The following LRP1B variants were observed in gnomAD, a reference collection of about 807,000 sequenced individuals.
LRP1B encodes the protein low-density lipoprotein receptor-related protein 1B.
LRP1B carries 217 observed loss-of-function variants against 556.6 expected under a neutral mutation model. The observed-to-expected ratio is 0.39, with a 90% CI of 0.35 to 0.44. The LOEUF (loss-of-function observed/expected upper bound fraction) is 0.44, where lower values mean the gene tolerates loss of function less well. Among genes scored for constraint, LRP1B ranks in the 20% least tolerant of loss-of-function variants. The pLI, the probability that LRP1B is intolerant of heterozygous loss-of-function variation, is 1.00. For missense variants in LRP1B, 5,053 were observed against 5,620.8 expected, an observed-to-expected ratio of 0.90 and a Z score of 3.23; for synonymous variants, 2,047 against 1,865.8, an observed-to-expected ratio of 1.10 and a Z score of -2.50.
At position 140,655,046 on chromosome 2, in the gene LRP1B, A is replaced by ATATATATC. The variant is rs1559034881; in HGVS notation, c.6799+45203_6799+45204insGATATATA. Among the ~76,000 whole-genome samples, 4 of 151,920 alleles carry ATATATATC rather than the reference A, an allele frequency of 2.6e-5. 1 individual carries two copies. Among genetic ancestry groups the ATATATATC allele is most frequent in the African/African-American group, 9.7e-5 (4 of 41,324 alleles). ...GGTATATGTATGTATATATATATAT[A>ATATATATC]TCTCCTAGCTCTCTAAAAATTGGAA... On this transcript the variant is annotated intron_variant, in intron 41 of 90. Transcript: ENST00000389484.
At chr2:140,280,126 A>G (rs1558767499) in intron 84 of LRP1B, among the ~76,000 whole-genome samples, 1 of 151,828 alleles carries the variant, frequency 6.6e-6, no homozygotes, top group African/African-American at 2.4e-5. Context: ...CCCCAAAAAT[A>G]AAGGAGACAG....
chr2:140,814,479 G>T (rs1306195573), intron 31 of LRP1B, among the ~76,000 whole-genome samples: 1 of 152,142 alleles, frequency 6.6e-6, no homozygotes, highest in African/African-American at 2.4e-5. Context: ...GAAAGTTTCT[G>T]TTTCCAAATT....
intron 3 of LRP1B, among the ~76,000 whole-genome samples, chr2:141,305,301 C>T (rs2105437969): frequency 6.6e-6 from 1 of 152,222 alleles, no homozygotes; most frequent in African/African-American, 2.4e-5. Context: ...TCTCTCACCT[C>T]CCTGGTTAAA....
intron 4 of LRP1B, among the ~76,000 whole-genome samples, chr2:141,252,365 CAATTTA>C (rs1684296235): frequency 6.6e-6 from 1 of 152,068 alleles, no homozygotes; most frequent in African/African-American, 2.4e-5. Context: ...TAGCATAAGA[CAATTTA>C]AATTGTGAAA....
chr2:140,493,369 G>C (rs571232206), intron 56 of LRP1B, among the ~76,000 whole-genome samples: 15 of 152,108 alleles, frequency 9.9e-5, no homozygotes, highest in African/African-American at 3.4e-4. Context: ...CATTCTCAAC[G>C]TACAGGAGAC....
At chr2:140,391,322 A>C (rs1684009550) in intron 66 of LRP1B, among the ~76,000 whole-genome samples, 1 of 152,168 alleles carries the variant, frequency 6.6e-6, no homozygotes, top group Non-Finnish European at 1.5e-5. Flanking sequence ...ATAAAATCCA[A>C]ACACAAACAG....
chr2:140,275,107 A>G (rs1492394), intron 84 of LRP1B, among the ~76,000 whole-genome samples: 142,874 of 152,000 alleles, frequency 0.94, 67,681 homozygotes, highest in Middle Eastern at 1. Flanking sequence ...AATGCAGAAC[A>G]TTGTCAAACC....
intron 2 of LRP1B, among the ~76,000 whole-genome samples, chr2:141,686,772 G>T (rs560531929): frequency 2.0e-5 from 3 of 151,920 alleles, no homozygotes; most frequent in Non-Finnish European, 4.4e-5. Context: ...TTAATAAAAA[G>T]ATTAATCCAT....
chr2:140,965,807 T>G (rs1696195350), intron 18 of LRP1B, among the ~76,000 whole-genome samples: 1 of 151,208 alleles, frequency 6.6e-6, no homozygotes, highest in African/African-American at 2.4e-5. Context: ...ATGCAGTGTT[T>G]TTTTTTTTTT....
At chr2:140,515,756 T>C (rs12692054) in intron 50 of LRP1B, among the ~76,000 whole-genome samples, 150,218 of 152,160 alleles carry the variant, frequency 0.99, 74,176 homozygotes, top group Middle Eastern at 1. Flanking sequence ...AAGTTCTCTG[T>C]TAGTCTTGTT....
At chr2:140,742,056 C>G (rs1336372789) in intron 35 of LRP1B, among the ~76,000 whole-genome samples, 4 of 152,126 alleles carry the variant, frequency 2.6e-5, no homozygotes, top group African/African-American at 9.7e-5. Context: ...TAAATTTGAT[C>G]AATGGCTCTA....
intron 2 of LRP1B, among the ~76,000 whole-genome samples, chr2:141,700,058 G>A (rs1691883521): frequency 6.6e-6 from 1 of 151,520 alleles, no homozygotes; most frequent in African/African-American, 2.4e-5. Context: ...TTTAGATATT[G>A]CTTTATGCAT....
In LRP1B at chr2:141,254,601, T is replaced by G. The variant is rs1434388050; in HGVS notation, c.384A>C (p.Lys128Asn). Residue 128 changes from lysine (K) to asparagine (N), a missense_variant, in exon 4 of 91, where the codon AAA becomes AAC. Coordinates refer to ENST00000389484, the MANE Select transcript of LRP1B (RefSeq NM_018557.3). ...SNCQQLNCQYKCTMVRNSTRC... is the reference protein window; with the variant it reads ...SNCQQLNCQYNCTMVRNSTRC... ...TTGTACTATTTCTGACCATTGTACA[T>G]TTATACTGACAATTCAGCTGTTGGC... 5 of 1,611,028 alleles carry G rather than the reference T, an allele frequency of 3.1e-6. No homozygotes were observed. Among genetic ancestry groups the G allele is most frequent in the Admixed American group, 1.7e-5 (1 of 59,830 alleles).
intron 3 of LRP1B, among the ~76,000 whole-genome samples, chr2:141,298,534 A>G (rs1686271301): frequency 6.6e-6 from 1 of 152,208 alleles, no homozygotes; most frequent in African/African-American, 2.4e-5. Flanking sequence ...ATACTGACAC[A>G]CATTGATGCT....
At chr2:141,774,455 C>T (rs182845404) in intron 2 of LRP1B, among the ~76,000 whole-genome samples, 3 of 152,140 alleles carry the variant, frequency 2.0e-5, no homozygotes, top group Non-Finnish European at 2.9e-5. Flanking sequence ...TCAATCACCG[C>T]GGGGATGGTG....
At chr2:141,582,712 T>C (rs760452139) in intron 2 of LRP1B, among the ~76,000 whole-genome samples, 2 of 151,920 alleles carry the variant, frequency 1.3e-5, no homozygotes, top group Non-Finnish European at 2.9e-5. Flanking sequence ...TAAAATCCAG[T>C]TGCTCAGAAA....
chr2:140,785,105 C>T (rs1312863032), intron 32 of LRP1B, among the ~76,000 whole-genome samples: 2 of 152,042 alleles, frequency 1.3e-5, no homozygotes, highest in South Asian at 4.1e-4. Context: ...AGTATAATAG[C>T]ATTGGACTTC....
intron 1 of LRP1B, among the ~76,000 whole-genome samples, chr2:141,821,196 G>A (rs1402753646): frequency 1.3e-5 from 2 of 152,222 alleles, no homozygotes; most frequent in African/African-American, 2.4e-5. Context: ...TGACTCCCAC[G>A]CTGTAAGACA....
At chr2:141,439,844 G>A (rs1211261108) in intron 3 of LRP1B, among the ~76,000 whole-genome samples, 1 of 152,102 alleles carries the variant, frequency 6.6e-6, no homozygotes, top group Non-Finnish European at 1.5e-5. Context: ...AGTGACCATA[G>A]AAGTTTAATA....
Sources: gnomAD v4.1 joint callset for allele counts (sites outside exome capture counted in the v4.1 genomes callset) on GRCh38, gnomAD v4.1.1 for gene constraint, MANE v1.5 for transcripts, NCBI Gene and HGNC (gene_info 2026-07-23, HGNC 2026-07-21) for gene names.